Variants in PARL observed in about 807,000 individuals in gnomAD.
PARL encodes presenilin associated rhomboid like.
In PARL, 44 loss-of-function variants were observed where a neutral mutation model predicts 51.6. That is an observed-to-expected ratio of 0.85 (90% CI 0.67 to 1.10). PARL has a LOEUF of 1.10. PARL is among the 50% of genes least tolerant of loss of function. The pLI is 0.00. For synonymous variants in PARL, 172 were observed against 164.0 expected, an observed-to-expected ratio of 1.05 and a Z score of -0.37; for missense variants, 441 against 469.5, an observed-to-expected ratio of 0.94 and a Z score of 0.56.
At chr3:183,837,575 G>A (rs1728776840) in intron 7 of PARL, among the ~76,000 whole-genome samples, 1 of 152,188 alleles carries the variant, frequency 6.6e-6, no homozygotes. Flanking sequence ...CTGCCCTGCA[G>A]TGACAAGAGC....
At chr3:183,878,623 A>G (rs1328561944) in intron 1 of PARL, among the ~76,000 whole-genome samples, 2 of 152,162 alleles carry the variant, frequency 1.3e-5, no homozygotes, top group African/African-American at 4.8e-5. Context: ...TCCCCAGGTG[A>G]TTCTCATGTG....
At chr3:183,868,756 T>G (rs1359629761) in intron 1 of PARL, among the ~76,000 whole-genome samples, 6 of 152,216 alleles carry the variant, frequency 3.9e-5, no homozygotes, top group African/African-American at 1.4e-4. Context: ...GTTTAAAGTT[T>G]GGTCAATTTC....
chr3:183,857,488 C>T (rs1731304343), intron 4 of PARL, among the ~76,000 whole-genome samples: 2 of 151,926 alleles, frequency 1.3e-5, no homozygotes, highest in South Asian at 4.1e-4. Flanking sequence ...AATCATGGTG[C>T]AGAAGAGTAT....
chr3:183,870,485 T>C (rs1206138486), intron 1 of PARL, among the ~76,000 whole-genome samples: 3 of 151,950 alleles, frequency 2.0e-5, no homozygotes, highest in Non-Finnish European at 4.4e-5. Context: ...CCACATTCTA[T>C]AGTTTCTCAA....
In PARL at chr3:183,884,756, C is replaced by T. The variant is rs537767723; in HGVS notation, c.91G>A (p.Ala31Thr). 14 of 1,579,938 alleles carry T rather than the reference C, an allele frequency of 8.9e-6. No homozygotes were observed. The highest frequency in any genetic ancestry group is 1.1e-5 in the Non-Finnish European group (13 of 1,166,808). ...AGGAGCTGCGGCGGGGTTAGGACCG[C>T]AGTGAGCTCCTCGCAGCTGCGGCCG... ...VGGRSCEELT[A>T]VLTPPQLLGR... Residue 31 changes from alanine to threonine, a missense_variant, in exon 1 of 10, where the codon GCG becomes ACG. Coordinates refer to ENST00000317096, the MANE Select transcript of PARL (RefSeq NM_018622.7).
At position 183,836,663 on chromosome 3, in the gene PARL, G is replaced by T. The variant is rs539650608; in HGVS notation, c.829-2838C>A. Among the ~76,000 whole-genome samples, 4 of 152,222 alleles carry T rather than the reference G, an allele frequency of 2.6e-5. No individual in the cohort carries two copies. In the East Asian group the frequency reaches 5.8e-4, roughly 22 times the overall value. Reference sequence around the variant, plus strand: ...TGTGGGTCCATGGGAAGAGGTGAAGGTCTTTTGTTCTCCATCAATATTTTT... The same window carrying T: ...TGTGGGTCCATGGGAAGAGGTGAAGTTCTTTTGTTCTCCATCAATATTTTT... On this transcript the variant is annotated intron_variant, in intron 7 of 9. Coordinates refer to ENST00000317096, the MANE Select transcript of PARL (RefSeq NM_018622.7).
chr3:183,850,231 G>C (rs1466695384), intron 4 of PARL, among the ~76,000 whole-genome samples: 2 of 152,154 alleles, frequency 1.3e-5, no homozygotes, highest in Non-Finnish European at 2.9e-5. Flanking sequence ...AGTGTCAGCA[G>C]GGCCATGCTT....
downstream of PARL, among the ~76,000 whole-genome samples, chr3:183,828,098 T>A (rs1397844837): frequency 2.6e-5 from 4 of 152,204 alleles, 1 homozygote; most frequent in South Asian, 8.3e-4. Context: ...GCAAGGCTTC[T>A]CCGGCCACAG....
intron 4 of PARL, among the ~76,000 whole-genome samples, chr3:183,847,559 G>A (rs1016323295): frequency 2.6e-5 from 4 of 151,702 alleles, no homozygotes; most frequent in African/African-American, 7.3e-5. Context: ...GGGAGACCCT[G>A]TCTCAAAATA....
At chr3:183,843,374 GGGCATGGT>G in intron 5 of PARL, 1 of 754,688 alleles carries the variant, frequency 1.3e-6, no homozygotes, top group Non-Finnish European at 1.6e-6. Flanking sequence ...AAAATTAGCT[GGGCATGGT>G]GGCATGCACC....
At position 183,883,835 on chromosome 3, in the gene PARL, A is replaced by T. The variant is rs1044390478; in HGVS notation, c.125+887T>A. On this transcript the variant is annotated intron_variant, in intron 1 of 9. Coordinates refer to ENST00000317096, the MANE Select transcript of PARL (RefSeq NM_018622.7). The stretch of plus-strand genomic sequence containing the variant: ...GGAGGACTGGGGTGAGGCCTGGGAC[A>T]TAAAATCCATACAAACTCTTCAGGT... 2.2e-4 allele frequency: 52 copies of T among 233,196 alleles called. 1 individual carries two copies. In the Middle Eastern group the frequency reaches 9.2e-3, roughly 41 times the overall value. The allele number at this position is 233,196 out of a possible 1,614,324, so 14.4% of individuals were successfully genotyped here. A position where few individuals can be genotyped will look rare whatever the true frequency, so the allele number is the denominator to read the frequency against.
intron 1 of PARL, among the ~76,000 whole-genome samples, chr3:183,873,083 A>T (rs1733395508): frequency 6.6e-6 from 1 of 152,240 alleles, no homozygotes; most frequent in South Asian, 2.1e-4. Context: ...TTTGATTTAA[A>T]GATCCCAAAG....
At chr3:183,874,472 G>A (rs544237914) in intron 1 of PARL, among the ~76,000 whole-genome samples, 44 of 149,678 alleles carry the variant, frequency 2.9e-4, no homozygotes, top group African/African-American at 8.4e-4. Context: ...GCAGTGGCGC[G>A]ATCTCGACTC....
intron 3 of PARL, among the ~76,000 whole-genome samples, chr3:183,864,319 C>T (rs1433896326): frequency 6.6e-6 from 1 of 152,076 alleles, no homozygotes; most frequent in African/African-American, 2.4e-5. Context: ...TGGCCAGGAT[C>T]ACACTGTTCC....
chr3:183,866,699 T>A lies in PARL; in HGVS notation c.388A>T (p.Ser130Cys), dbSNP rs1274178054. 6.2e-7 allele frequency: 1 copy of A among 1,611,970 alleles called. No individual in the cohort carries two copies. ...QYESLKSRVQ[S>C]YFDGIKADWL... is the part of the protein sequence containing the mutation. ...TCAGCTTTTATACCATCAAAATAAC[T>A]CTGGACCCTGGATTTCAGTGATTCA... is the stretch of plus-strand genomic sequence containing the variant. Residue 130 changes from serine (S) to cysteine (C), a missense_variant, in exon 3 of 10, where the codon AGT becomes TGT. Transcript: ENST00000317096.
chr3:183,842,312 A>T lies in PARL; in HGVS notation c.743T>A (p.Val248Glu). The T allele has an allele frequency of 6.2e-7, 1 of 1,612,648 alleles. No individual in the cohort carries two copies. The highest frequency in any genetic ancestry group is 8.5e-7 in the Non-Finnish European group (1 of 1,179,822). Residue 248 changes from valine (V) to glutamate (E), a missense_variant, in exon 6 of 10, where the codon GTG (valine) becomes GAG (glutamate). By Grantham distance (121) the Val-to-Glu change is moderately radical. Coordinates refer to ENST00000317096, the MANE Select transcript of PARL (RefSeq NM_018622.7). ...AAGCATATTACCTGCAGATAGGTAC[A>T]CTGCCATGAACTGCTCTTGACCCAG... is the stretch of plus-strand genomic sequence containing the variant. Reference protein sequence around the residue: ...NILGQEQFMAVYLSAGVISNF... With the variant: ...NILGQEQFMAEYLSAGVISNF...
At chr3:183,865,730 G>C (rs537368468) in intron 3 of PARL, among the ~76,000 whole-genome samples, 15 of 152,140 alleles carry the variant, frequency 9.9e-5, no homozygotes, top group Non-Finnish European at 1.8e-4. Context: ...GTTGGTGACT[G>C]CTGCTCTAAA....
chr3:183,861,621 C>T (rs2108662442), intron 4 of PARL, among the ~76,000 whole-genome samples: 1 of 152,224 alleles, frequency 6.6e-6, no homozygotes, highest in African/African-American at 2.4e-5. Flanking sequence ...ACCCTTTCTC[C>T]ACTTAAGTAC....
downstream of PARL, among the ~76,000 whole-genome samples, chr3:183,827,183 G>A (rs1727474535): frequency 6.6e-6 from 1 of 152,164 alleles, no homozygotes; most frequent in African/African-American, 2.4e-5. Context: ...GGGTGCAGAT[G>A]GCTCATGCGT....
Sources: gnomAD v4.1 joint callset for allele counts (sites outside exome capture counted in the v4.1 genomes callset) on GRCh38, gnomAD v4.1.1 for gene constraint, MANE v1.5 for transcripts, NCBI Gene and HGNC (gene_info 2026-07-23, HGNC 2026-07-21) for gene names.